Variants in ADARB2 observed in about 807,000 individuals in gnomAD.
ADARB2 encodes adenosine deaminase RNA specific B2 (inactive).
Under a neutral mutation model 62.2 loss-of-function variants are expected in ADARB2, and 25 were observed. The ratio of observed to expected loss-of-function variants is 0.40; its 90% CI spans 0.29 to 0.56. The LOEUF is 0.56. ADARB2 is among the 20% of genes least tolerant of loss of function. The pLI is 0.43. For synonymous variants in ADARB2, 572 were observed against 500.8 expected (o/e 1.14, Z -1.90); for missense variants, 1,071 against 1,077.4 (o/e 0.99, Z 0.08).
intron 1 of ADARB2, among the ~76,000 whole-genome samples, chr10:1,482,043 A>T (rs1311859485): frequency 1.3e-5 from 2 of 152,188 alleles, no homozygotes; most frequent in African/African-American, 4.8e-5. Flanking sequence ...ACCATGAGAG[A>T]CCACTTCATA....
At chr10:1,494,220 CT>C (rs1173993286) in intron 1 of ADARB2, among the ~76,000 whole-genome samples, 4 of 152,142 alleles carry the variant, frequency 2.6e-5, no homozygotes, top group Non-Finnish European at 5.9e-5. Context: ...ATTTTTTCTC[CT>C]ATAAATAGAC....
chr10:1,646,284 T>C (rs908983439), intron 1 of ADARB2, among the ~76,000 whole-genome samples: 5 of 152,222 alleles, frequency 3.3e-5, no homozygotes, highest in African/African-American at 1.2e-4. Context: ...CTGGGCTTTG[T>C]CAAGCAGCAA....
chr10:1,486,124 G>T, intron 1 of ADARB2, among the ~76,000 whole-genome samples: 1 of 152,142 alleles, frequency 6.6e-6, no homozygotes, highest in African/African-American at 2.4e-5. Flanking sequence ...TTGTGGTTGG[G>T]CCAATTATCT....
chr10:1,310,479 A>T (rs1476066733), intron 3 of ADARB2, among the ~76,000 whole-genome samples: 1 of 152,236 alleles, frequency 6.6e-6, no homozygotes, highest in Non-Finnish European at 1.5e-5. Flanking sequence ...AAGAGATAAG[A>T]ATCCATCTAA....
At chr10:1,608,581 G>A (rs1237991800) in intron 1 of ADARB2, among the ~76,000 whole-genome samples, 1 of 145,076 alleles carries the variant, frequency 6.9e-6, no homozygotes. Flanking sequence ...GGGAAGGAGA[G>A]AGGAAGGAAA....
At chr10:1,384,006 C>T (rs1053081830) in intron 1 of ADARB2, among the ~76,000 whole-genome samples, 6 of 152,292 alleles carry the variant, frequency 3.9e-5, no homozygotes, top group African/African-American at 4.8e-5. Flanking sequence ...CTTTGTTTCT[C>T]GGGCCACAAA....
At chr10:1,461,845 T>A (rs1270153750) in intron 1 of ADARB2, among the ~76,000 whole-genome samples, 1 of 151,870 alleles carries the variant, frequency 6.6e-6, no homozygotes, top group Non-Finnish European at 1.5e-5. Flanking sequence ...ACTAAAAATA[T>A]GAAAAAATTA....
At position 1,329,498 on chromosome 10, in the gene ADARB2, C is replaced by T. The variant is rs574237314; in HGVS notation, c.1077+33530G>A. ...CTGGGTGCCTGAGTCACACCCAGGG[C>T]GCCTGGGTTCTGTAGAAAATGTCTT... is the stretch of plus-strand genomic sequence containing the variant. On this transcript the variant is annotated intron_variant, in intron 3 of 9. Transcript: ENST00000381312. 7.9e-5 allele frequency among the ~76,000 whole-genome samples: 12 copies of T among 152,278 alleles called. No homozygotes were observed. The South Asian group carries it at 1.7e-3, about 21-fold the overall frequency.
At chr10:1,648,219 C>A (rs1237378846) in intron 1 of ADARB2, among the ~76,000 whole-genome samples, 1 of 152,200 alleles carries the variant, frequency 6.6e-6, no homozygotes. Flanking sequence ...ATCTGTGCTG[C>A]ACTTTCCCCT....
intron 1 of ADARB2, among the ~76,000 whole-genome samples, chr10:1,453,311 T>C (rs1357507409): frequency 6.6e-6 from 1 of 152,236 alleles, no homozygotes; most frequent in East Asian, 1.9e-4. Context: ...TTTCTTGAGC[T>C]TTTGGTGTCA....
At chr10:1,629,350 G>A (rs1473092744) in intron 1 of ADARB2, among the ~76,000 whole-genome samples, 2 of 152,078 alleles carry the variant, frequency 1.3e-5, no homozygotes, top group Non-Finnish European at 2.9e-5. Context: ...TGTCCCCTGG[G>A]ATTGGTGGAG....
intron 1 of ADARB2, among the ~76,000 whole-genome samples, chr10:1,688,757 G>A (rs145918076): frequency 6.6e-5 from 10 of 152,270 alleles, no homozygotes; most frequent in African/African-American, 1.2e-4. Context: ...GGTGACTTAC[G>A]TTAGCGCTGA....
intron 3 of ADARB2, among the ~76,000 whole-genome samples, chr10:1,340,063 T>C (rs1180296302): frequency 6.6e-6 from 1 of 151,482 alleles, no homozygotes; most frequent in Non-Finnish European, 1.5e-5. Flanking sequence ...CGGAATTGAA[T>C]CAGCACCCAC....
At chr10:1,468,297 G>A (rs34111276) in intron 1 of ADARB2, among the ~76,000 whole-genome samples, 17,179 of 152,208 alleles carry the variant, frequency 0.11, 1,034 homozygotes, top group Middle Eastern at 0.21. Flanking sequence ...GCTGCCTGAG[G>A]CCAAGGGGGC....
rs1291185299 is a variant in ADARB2, at chr10:1,360,744, G to A, written c.1077+2284C>T. ...GCCCGAAACCCTCGCGCTGCTCTGC[G>A]CCCTTCGTCATCCAGTCGGGGTGGT... On this transcript the variant is annotated intron_variant, in intron 3 of 9. Coordinates refer to ENST00000381312, the MANE Select transcript of ADARB2 (RefSeq NM_018702.4). 4.6e-5 allele frequency among the ~76,000 whole-genome samples: 7 copies of A among 152,292 alleles called. No individual in the cohort carries two copies. The East Asian group carries it at 7.7e-4, about 17-fold the overall frequency.
At chr10:1,518,488 G>A (rs1564315072) in intron 1 of ADARB2, among the ~76,000 whole-genome samples, 1 of 152,210 alleles carries the variant, frequency 6.6e-6, no homozygotes, top group Non-Finnish European at 1.5e-5. Context: ...CCTCCCCAAG[G>A]GGTGTCAGAT....
chr10:1,418,710 C>T (rs1832826860), intron 1 of ADARB2, among the ~76,000 whole-genome samples: 1 of 152,140 alleles, frequency 6.6e-6, no homozygotes, highest in Non-Finnish European at 1.5e-5. Context: ...CTCCTCAGTG[C>T]CCTAGCTAGT....
At chr10:1,334,183 G>A (rs1293831897) in intron 3 of ADARB2, among the ~76,000 whole-genome samples, 1 of 152,234 alleles carries the variant, frequency 6.6e-6, no homozygotes, top group Non-Finnish European at 1.5e-5. Flanking sequence ...CATGGAAGAA[G>A]CGGCGGGGTG....
At chr10:1,249,621 CACACACACACACACACACAT>C (rs922259894) in intron 4 of ADARB2, among the ~76,000 whole-genome samples, 9 of 151,274 alleles carry the variant, frequency 5.9e-5, no homozygotes, top group African/African-American at 2.2e-4. Flanking sequence ...TTTATGCACA[CACACACACACACACACACAT>C]ACACACGAGT....
Sources: gnomAD v4.1 joint callset for allele counts (sites outside exome capture counted in the v4.1 genomes callset) on GRCh38, gnomAD v4.1.1 for gene constraint, MANE v1.5 for transcripts, NCBI Gene and HGNC (gene_info 2026-07-23, HGNC 2026-07-21) for gene names.